PDLIM5: variants seen among roughly 807,000 people sequenced by gnomAD.
The protein encoded by PDLIM5 is PDZ and LIM domain protein 5.
Under a neutral mutation model 64.2 loss-of-function variants are expected in PDLIM5, and 34 were observed. That is an observed-to-expected ratio of 0.53 (90% CI 0.40 to 0.71). The LOEUF is 0.71. PDLIM5 is among the 30% of genes least tolerant of loss of function. The pLI, the probability that PDLIM5 is intolerant of heterozygous loss-of-function variation, is 0.00. For synonymous variants in PDLIM5, 253 were observed against 269.1 expected (o/e 0.94, Z 0.59); for missense variants, 683 against 733.6 (o/e 0.93, Z 0.80).
intron 7 of PDLIM5, chr4:94,587,134 T>C: frequency 6.5e-7 from 1 of 1,549,702 alleles, no homozygotes; most frequent in Non-Finnish European, 8.6e-7. Context: ...CATTTACTTT[T>C]TTTTTTTCAA....
intron 7 of PDLIM5, among the ~76,000 whole-genome samples, chr4:94,612,667 G>C (rs1197032431): frequency 6.6e-6 from 1 of 152,098 alleles, no homozygotes; most frequent in Non-Finnish European, 1.5e-5. Flanking sequence ...ACAAAATATA[G>C]TGTGATATTG....
chr4:94,633,941 A>G (rs1740355945), intron 8 of PDLIM5, among the ~76,000 whole-genome samples: 1 of 152,142 alleles, frequency 6.6e-6, no homozygotes, highest in Non-Finnish European at 1.5e-5. Context: ...AAAGATTTCC[A>G]GGCAGAGGGA....
chr4:94,594,408 G>GA (rs547918181), intron 7 of PDLIM5, among the ~76,000 whole-genome samples: 68 of 152,048 alleles, frequency 4.5e-4, no homozygotes, highest in African/African-American at 1.6e-3. Flanking sequence ...TACTAATAGA[G>GA]AAAATTTTAT....
intron 2 of PDLIM5, among the ~76,000 whole-genome samples, chr4:94,481,868 G>C (rs772650317): frequency 3.3e-5 from 5 of 152,004 alleles, no homozygotes; most frequent in South Asian, 2.1e-4. Flanking sequence ...CTTGGCCTCC[G>C]AAAGTGCTTG....
At chr4:94,549,400 A>G (rs1732603767) in intron 3 of PDLIM5, among the ~76,000 whole-genome samples, 1 of 152,196 alleles carries the variant, frequency 6.6e-6, no homozygotes, top group Non-Finnish European at 1.5e-5. Context: ...TCTAAAGGGA[A>G]TGGTTATACC....
intron 8 of PDLIM5, among the ~76,000 whole-genome samples, chr4:94,625,725 T>A (rs1739638461): frequency 6.6e-6 from 1 of 152,176 alleles, no homozygotes; most frequent in South Asian, 2.1e-4. Flanking sequence ...AGTGCTGGGA[T>A]TACAGACGTG....
chr4:94,508,591 A>G (rs374377204), intron 2 of PDLIM5, among the ~76,000 whole-genome samples: 1 of 152,206 alleles, frequency 6.6e-6, no homozygotes, highest in East Asian at 1.9e-4. Context: ...TAGAAAATGC[A>G]CTGATAGGAG....
chr4:94,615,476 C>G (rs1248339454), intron 7 of PDLIM5, among the ~76,000 whole-genome samples: 1 of 151,412 alleles, frequency 6.6e-6, no homozygotes, highest in African/African-American at 2.4e-5. Flanking sequence ...TGGATGGGTG[C>G]AGAGAGAGAG....
rs1200024093 is a variant in PDLIM5 at position 94,531,850 on chromosome 4, C to T, written c.248+7975C>T. 2.0e-5 allele frequency among the ~76,000 whole-genome samples: 3 copies of T among 151,994 alleles called. No individual in the cohort carries two copies. The East Asian group carries it at 5.8e-4, about 29-fold the overall frequency. On this transcript the variant is annotated intron_variant, in intron 3 of 12. Transcript: ENST00000317968. ...AAAGTACTTTTCATTTTTTACTCTC[C>T]CCTGTCAGTATTCTGTAATAAAAAT... is the stretch of plus-strand genomic sequence containing the variant.
chr4:94,637,831 GGAGA>G (rs1469338697), intron 8 of PDLIM5, among the ~76,000 whole-genome samples: 1 of 152,194 alleles, frequency 6.6e-6, no homozygotes, highest in African/African-American at 2.4e-5. Flanking sequence ...AGGTAGAAAG[GGAGA>G]CTGGCAGCAG....
chr4:94,565,497 G>A (rs1734241288), intron 3 of PDLIM5, among the ~76,000 whole-genome samples: 1 of 152,136 alleles, frequency 6.6e-6, no homozygotes, highest in Non-Finnish European at 1.5e-5. Context: ...ATCGATAGTT[G>A]TAATGGGGAC....
chr4:94,657,103 C>T (rs1742271629), intron 10 of PDLIM5, among the ~76,000 whole-genome samples: 1 of 152,046 alleles, frequency 6.6e-6, no homozygotes, highest in African/African-American at 2.4e-5. Flanking sequence ...TGAGAAGAAG[C>T]AGAAAGTTTT....
intron 7 of PDLIM5, chr4:94,608,319 G>T: frequency 2.3e-6 from 1 of 426,982 alleles, no homozygotes; most frequent in South Asian, 6.5e-5. Context: ...TTGGCACTCA[G>T]CCTCAAAACA....
intron 9 of PDLIM5, among the ~76,000 whole-genome samples, chr4:94,641,507 A>G (rs1003996329): frequency 2.6e-5 from 4 of 152,164 alleles, no homozygotes; most frequent in African/African-American, 9.6e-5. Context: ...TGTTTGTTTT[A>G]AAGGTAGTCA....
At chr4:94,662,823 TA>T (rs3833614) in intron 12 of PDLIM5, among the ~76,000 whole-genome samples, 90,710 of 147,332 alleles carry the variant, frequency 0.62, 28,145 homozygotes, top group African/African-American at 0.73. Context: ...TTCCTTTACT[TA>T]AAAAAAAAAA....
At chr4:94,531,525 A>G (rs756925750) in intron 3 of PDLIM5, among the ~76,000 whole-genome samples, 3 of 152,170 alleles carry the variant, frequency 2.0e-5, no homozygotes, top group Non-Finnish European at 2.9e-5. Context: ...ATGAGCTTAA[A>G]GTAGTCACAA....
At chr4:94,537,691 A>G (rs1731431148) in intron 3 of PDLIM5, among the ~76,000 whole-genome samples, 1 of 152,176 alleles carries the variant, frequency 6.6e-6, no homozygotes, top group African/African-American at 2.4e-5. Context: ...TAGGAACTTT[A>G]TGTTCATTAG....
At chr4:94,467,293 T>A (rs1724451522) in intron 2 of PDLIM5, among the ~76,000 whole-genome samples, 1 of 152,034 alleles carries the variant, frequency 6.6e-6, no homozygotes, top group South Asian at 2.1e-4. Context: ...TGTACCTGAT[T>A]GATAGAATTA....
intron 5 of PDLIM5, chr4:94,582,798 A>T: frequency 1.0e-6 from 1 of 978,854 alleles, no homozygotes; most frequent in South Asian, 1.5e-5. Flanking sequence ...TTTCAATTTA[A>T]TACTACCAGC....
Sources: gnomAD v4.1 joint callset for allele counts (sites outside exome capture counted in the v4.1 genomes callset) on GRCh38, gnomAD v4.1.1 for gene constraint, MANE v1.5 for transcripts, NCBI Gene and HGNC (gene_info 2026-07-23, HGNC 2026-07-21) for gene names.